The following GEMIN7 variants were observed in gnomAD, a reference collection of about 807,000 sequenced individuals.
GEMIN7 encodes gem-associated protein 7.
In GEMIN7, 7 loss-of-function variants were observed where a neutral mutation model predicts 7.8. That is an observed-to-expected ratio of 0.90 (90% CI 0.51 to 1.69). The LOEUF is 1.69. Ranked by LOEUF, GEMIN7 falls within the 40% of genes most tolerant of loss-of-function variation. The pLI is 0.00. For synonymous variants in GEMIN7, 68 were observed against 72.4 expected (o/e 0.94, Z 0.31); for missense variants, 159 against 176.2 (o/e 0.90, Z 0.55).
upstream of GEMIN7, among the ~76,000 whole-genome samples, chr19:45,078,517 C>T (rs546854964): frequency 6.6e-6 from 1 of 152,316 alleles, no homozygotes; most frequent in East Asian, 1.9e-4. Flanking sequence ...GGATGGGAGT[C>T]TGTCTTGTTC....
upstream of GEMIN7, among the ~76,000 whole-genome samples, chr19:45,078,828 C>G (rs1293102345): frequency 6.6e-6 from 1 of 152,136 alleles, no homozygotes; most frequent in Non-Finnish European, 1.5e-5. Flanking sequence ...ACAAAATGAC[C>G]GCCTCTGATC....
chr19:45,084,230 A>AG (rs1257556587), intron 2 of GEMIN7, among the ~76,000 whole-genome samples: 21 of 148,616 alleles, frequency 1.4e-4, no homozygotes, highest in African/African-American at 3.0e-4. Context: ...AAAAAAAAAA[A>AG]AAAGAAATTA....
chr19:45,089,077 G>C (rs1967803257), intron 2 of GEMIN7, among the ~76,000 whole-genome samples: 1 of 151,970 alleles, frequency 6.6e-6, no homozygotes, highest in South Asian at 2.1e-4. Context: ...GAGTAGCTGG[G>C]ACTACAGGCG....
intron 2 of GEMIN7, 118 bp from the exon 3 acceptor site, chr19:45,089,989 T>C: frequency 9.5e-7 from 1 of 1,048,360 alleles, no homozygotes. Context: ...GGTGGATCAG[T>C]CTGGGGCAGG....
At chr19:45,080,767 T>A (rs924360541) in intron 2 of GEMIN7, among the ~76,000 whole-genome samples, 1 of 123,966 alleles carries the variant, frequency 8.1e-6, no homozygotes. Context: ...TGTTTTTTGT[T>A]TTTTTTTTTT....
In GEMIN7 at chr19:45,091,168, G is replaced by C. The variant is rs1967880836; in HGVS notation, c.*658G>C. The C allele has an allele frequency of 1.2e-5, 2 of 167,258 alleles. No individual in the cohort carries two copies. The highest frequency in any genetic ancestry group is 4.8e-5 in the African/African-American group (2 of 41,466). The allele number at this position is 167,258 out of a possible 1,614,324, so 10.4% of individuals were successfully genotyped here. On this transcript the variant is annotated 3_prime_UTR_variant, in exon 3 of 3. Transcript: ENST00000270257. ...GCGGTGGCTCGTGCTGGGTCACGTG[G>C]TCGTGCCCAAGCGCTCCTCCTGTTG...
At chr19:45,077,523 C>A (rs1190268992), upstream of GEMIN7, among the ~76,000 whole-genome samples, 3 of 152,144 alleles carry the variant, frequency 2.0e-5, no homozygotes, top group Non-Finnish European at 2.9e-5. Flanking sequence ...CTGTCCTCTC[C>A]CCCACCCAAT....
upstream of GEMIN7, chr19:45,076,217 G>C (rs906403669): frequency 1.3e-6 from 2 of 1,507,356 alleles, no homozygotes; most frequent in African/African-American, 2.9e-5. This position sits in a 1 kb window ranked among gnomAD's most constrained non-coding sequence, Gnocchi z 4.9. Flanking sequence ...ACCTCCTTCG[G>C]GGAGAAGGGC....
At chr19:45,076,119 C>T (rs773406390), upstream of GEMIN7, 1 of 1,569,686 alleles carries the variant, frequency 6.4e-7, no homozygotes, top group South Asian at 1.2e-5. This position sits in a 1 kb window ranked among gnomAD's most constrained non-coding sequence, Gnocchi z 4.9. Flanking sequence ...TCCACGGGTT[C>T]CGCGGGCCGA....
chr19:45,090,574 C>A lies in GEMIN7; in HGVS notation c.*64C>A, dbSNP rs576785070. On this transcript the variant is annotated 3_prime_UTR_variant, in exon 3 of 3. Coordinates refer to ENST00000270257, the MANE Select transcript of GEMIN7 (RefSeq NM_024707.3). Reference sequence around the variant, plus strand: ...TGTATCCCAGGCCTCCCAATGTTCCCGAGCCAGGAACTCTGGGCCCCATGG... The same window carrying A: ...TGTATCCCAGGCCTCCCAATGTTCCAGAGCCAGGAACTCTGGGCCCCATGG... The A allele has an allele frequency of 1.9e-4, 286 of 1,491,610 alleles. No individual in the cohort carries two copies. The highest frequency in any genetic ancestry group is 1.4e-4 in the East Asian group (6 of 43,872). 92.4% of individuals were successfully genotyped at this position (1,491,610 alleles called of 1,614,324 possible).
At chr19:45,086,881 C>T (rs1296636576) in intron 2 of GEMIN7, among the ~76,000 whole-genome samples, 1 of 152,168 alleles carries the variant, frequency 6.6e-6, no homozygotes, top group African/African-American at 2.4e-5. Flanking sequence ...GAGTCTTGCT[C>T]TGTCGCCCAG....
At position 45,084,269 on chromosome 19, in the gene GEMIN7, G is replaced by A. The variant is rs1425919778; in HGVS notation, c.-9+4240G>A. ...TTTAGTGGCTGGGCATGGTGGCTTA[G>A]ACCTGTAATCCCAGCACTTTGGGAG... On this transcript the variant is annotated intron_variant, in intron 2 of 2. Transcript: ENST00000270257. Among the ~76,000 whole-genome samples the A allele has an allele frequency of 6.3e-5, 9 of 143,278 alleles. No individual in the cohort carries two copies. The East Asian group carries it at 1.9e-3, about 31-fold the overall frequency. 94.0% of individuals were successfully genotyped at this position (143,278 alleles called of 152,430 possible).
upstream of GEMIN7, chr19:45,075,974 G>A: frequency 6.3e-7 from 1 of 1,580,450 alleles, no homozygotes; most frequent in Non-Finnish European, 8.6e-7. Context: ...GCAGGACGGG[G>A]CGAAGGAGAT....
intron 2 of GEMIN7, among the ~76,000 whole-genome samples, chr19:45,080,350 C>CAAGGAAGGAAATG (rs1967456373): frequency 6.6e-6 from 1 of 151,930 alleles, no homozygotes; most frequent in Admixed American, 6.6e-5. Context: ...CTTCCTCCAC[C>CAAGGAAGGAAATG]CTCCAGCTTG....
At chr19:45,081,286 G>A (rs370607387) in intron 2 of GEMIN7, among the ~76,000 whole-genome samples, 3 of 151,978 alleles carry the variant, frequency 2.0e-5, no homozygotes, top group Non-Finnish European at 4.4e-5. Context: ...GCCAAACCGC[G>A]TCTCTACTAA....
At chr19:45,077,124 G>A (rs1242572162), upstream of GEMIN7, among the ~76,000 whole-genome samples, 1 of 152,172 alleles carries the variant, frequency 6.6e-6, no homozygotes, top group African/African-American at 2.4e-5. Context: ...CAGCCAGTGG[G>A]CCTGGGCATT....
intron 2 of GEMIN7, among the ~76,000 whole-genome samples, chr19:45,086,418 T>TAAAA (rs1967690752): frequency 6.6e-6 from 1 of 152,180 alleles, no homozygotes; most frequent in African/African-American, 2.4e-5. Context: ...GTGCAGCTGC[T>TAAAA]AAAACCTAGG....
chr19:45,089,485 G>A (rs546308507), intron 2 of GEMIN7, among the ~76,000 whole-genome samples: 1 of 152,212 alleles, frequency 6.6e-6, no homozygotes, highest in East Asian at 1.9e-4. Context: ...AATCTATCTA[G>A]AAGATAGAAT....
chr19:45,076,238 G>A (rs149259298), upstream of GEMIN7: 185 of 1,504,216 alleles, frequency 1.2e-4, no homozygotes, highest in Non-Finnish European at 1.6e-4. The surrounding 1 kb of genome is among the most constrained non-coding windows in gnomAD (Gnocchi z 4.9). Flanking sequence ...CCCAGCCTTG[G>A]GGCCTGTTGG....
Sources: allele counts gnomAD v4.1 joint callset (sites outside exome capture counted in the v4.1 genomes callset), GRCh38; gene constraint gnomAD v4.1.1; non-coding constraint Gnocchi (gnomAD v3.1); transcripts MANE v1.5; gene names NCBI Gene and HGNC (gene_info 2026-07-23, HGNC 2026-07-21).